Variants in OR51M1 observed in about 807,000 individuals in gnomAD.
OR51M1 encodes the protein olfactory receptor family 51 subfamily M member 1, also known as olfactory receptor 51M1.
For synonymous variants in OR51M1, 199 were observed against 155.1 expected, an observed-to-expected ratio of 1.28 and a Z score of -2.10; for missense variants, 509 against 404.4, an observed-to-expected ratio of 1.26 and a Z score of -2.22.
chr11:5,386,929 T>C (rs1849703433), intron 2 of OR51M1, among the ~76,000 whole-genome samples: 1 of 152,078 alleles, frequency 6.6e-6, no homozygotes, highest in Admixed American at 6.6e-5. Context: ...TGTGAAAAGA[T>C]GGATGCTGGG....
chr11:5,386,701 A>C (rs1335760466), intron 2 of OR51M1, among the ~76,000 whole-genome samples: 3 of 152,128 alleles, frequency 2.0e-5, no homozygotes, highest in African/African-American at 7.2e-5. Context: ...GTTGAATGAC[A>C]GGTCAGGCAA....
chr11:5,386,678 C>G (rs1384896244), intron 2 of OR51M1, among the ~76,000 whole-genome samples: 2 of 151,282 alleles, frequency 1.3e-5, no homozygotes, highest in African/African-American at 2.4e-5. Flanking sequence ...GAAGGAGGAG[C>G]CTGGCTTTGC....
At chr11:5,389,281 G>T (rs76916051) in intron 2 of OR51M1, 103 bp from the exon 3 acceptor site, 14 of 960,970 alleles carry the variant, frequency 1.5e-5, no homozygotes, top group Non-Finnish European at 2.2e-5. Flanking sequence ...TAAGGGTGGA[G>T]TAGATAATAC....
intron 2 of OR51M1, 24 bp from the exon 3 acceptor site, chr11:5,389,360 C>T (rs2133727646): frequency 6.9e-6 from 11 of 1,583,714 alleles, no homozygotes; most frequent in Non-Finnish European, 9.5e-6. Context: ...GAATTAATAA[C>T]CAGAAATATC....
intron 2 of OR51M1, among the ~76,000 whole-genome samples, chr11:5,388,824 G>A (rs558270176): frequency 2.6e-5 from 4 of 152,088 alleles, no homozygotes; most frequent in East Asian, 1.9e-4. Context: ...TGAAGGTGAC[G>A]GTGAGTAAAC....
rs545718875 is a variant in OR51M1, at chr11:5,389,404, A to C, written c.6A>C (p.Ser2=). The C allele has an allele frequency of 1.7e-5, 27 of 1,610,800 alleles. No homozygotes were observed. In the South Asian group the frequency reaches 2.9e-4, roughly 17 times the overall value. ...TTCAGCTCAATCCCCGAGGAATGTC[A>C]GTCCAATATTCGCTCAGTCCTCAAT... M[S]VQYSLSPQFM... Residue 2 remains serine (S), a synonymous_variant, in exon 3 of 3, where the codon TCA becomes TCC. Coordinates refer to ENST00000642046, the MANE Select transcript of OR51M1 (RefSeq NM_001004756.3).
chr11:5,387,700 G>A (rs1285929096), intron 2 of OR51M1, among the ~76,000 whole-genome samples: 3 of 144,324 alleles, frequency 2.1e-5, no homozygotes, highest in Non-Finnish European at 4.5e-5. Flanking sequence ...CTCTGCTTCA[G>A]GAACTTTCAC....
rs1321124666 is a variant in OR51M1 at position 5,390,169 on chromosome 11, C to CTG, written c.774_775dup (p.Ala259ValfsTer4). 2 of 1,613,918 alleles carry CTG rather than the reference C, an allele frequency of 1.2e-6. No homozygotes were observed. The highest frequency in any genetic ancestry group is 1.7e-6 in the Non-Finnish European group (2 of 1,179,814). On this transcript the variant is annotated frameshift_variant, in exon 3 of 3. Coordinates refer to ENST00000642046, the MANE Select transcript of OR51M1 (RefSeq NM_001004756.3). LOFTEE classifies it low-confidence loss of function (END_TRUNC). ...CCTTTCAGACATGCACCGCTCCTCT[C>CTG]TGTGCTGTGCTAGTATTCTTTGTGC...
chr11:5,390,433 T>C lies in OR51M1; in HGVS notation c.*54T>C. The C allele has an allele frequency of 6.9e-7, 1 of 1,444,044 alleles. No individual in the cohort carries two copies. 89.5% of individuals were successfully genotyped at this position (1,444,044 alleles called of 1,614,324 possible). On this transcript the variant is annotated 3_prime_UTR_variant, in exon 3 of 3. Coordinates refer to ENST00000642046, the MANE Select transcript of OR51M1 (RefSeq NM_001004756.3). ...CCTATAAGAAGGCCCCAAATTGGAC[T>C]GAAAATTTGGAGTATTGAGTATATA...
chr11:5,390,045 T>G lies in OR51M1; in HGVS notation c.647T>G (p.Val216Gly). The change falls in exon 3 of 3, where the codon GTT (valine) becomes GGT (glycine). Residue 216 changes from valine to glycine, a missense_variant. By Grantham distance (109) the Val-to-Gly change is moderately radical. Coordinates refer to ENST00000642046, the MANE Select transcript of OR51M1 (RefSeq NM_001004756.3). ...AATCTGTATGGACTGATGGTGGTAG[T>G]TTTCACTGTGATGCTGGACCTGGTG... is the stretch of plus-strand genomic sequence containing the variant. ...FNNLYGLMVV[V>G]FTVMLDLVLI... 6.2e-7 allele frequency: 1 copy of G among 1,613,634 alleles called. No homozygotes were observed. The highest frequency in any genetic ancestry group is 1.6e-4 in the Middle Eastern group (1 of 6,062).
chr11:5,387,313 C>T (rs1849710157), intron 2 of OR51M1, among the ~76,000 whole-genome samples: 1 of 152,026 alleles, frequency 6.6e-6, no homozygotes, highest in South Asian at 2.1e-4. Flanking sequence ...ATGATTAAGA[C>T]TCTCCATTGC....
In OR51M1 at chr11:5,389,681, G is replaced by C. The variant is rs749236572; in HGVS notation, c.283G>C (p.Gly95Arg). ...TGTGTCCACGTTGCCCACCACTATG[G>C]GGATCTTCTGGTTTAACTCCCATAG... ...LCVSTLPTTM[G>R]IFWFNSHSIY... Residue 95 changes from glycine (G) to arginine (R), a missense_variant, in exon 3 of 3, where the codon GGG becomes CGG. By Grantham distance (125) the Gly-to-Arg change is moderately radical (BLOSUM62 -2). Transcript: ENST00000642046. The C allele has an allele frequency of 1.3e-5, 21 of 1,613,438 alleles. No individual in the cohort carries two copies. Among genetic ancestry groups the C allele is most frequent in the Non-Finnish European group, 1.7e-5 (20 of 1,179,854 alleles).
chr11:5,387,429 T>C (rs1484657100), intron 2 of OR51M1, among the ~76,000 whole-genome samples: 1 of 152,108 alleles, frequency 6.6e-6, no homozygotes, highest in East Asian at 1.9e-4. Flanking sequence ...AACTGAGAAG[T>C]AAAGAAATGG....
chr11:5,389,567 A>G lies in OR51M1; in HGVS notation c.169A>G (p.Ile57Val). The change falls in exon 3 of 3, where the codon ATT becomes GTT. Residue 57 changes from isoleucine to valine, a missense_variant. By Grantham distance (29) the Ile-to-Val change is conservative. Coordinates refer to ENST00000642046, the MANE Select transcript of OR51M1 (RefSeq NM_001004756.3). ...YMVAISGNCF[I>V]LIIIKTNPRL... ...GGTTGCCATCTCAGGCAATTGTTTC[A>G]TTCTGATCATTATTAAGACCAACCC... is the stretch of plus-strand genomic sequence containing the variant. 6.2e-7 allele frequency: 1 copy of G among 1,613,866 alleles called. No individual in the cohort carries two copies. Among genetic ancestry groups the G allele is most frequent in the Non-Finnish European group, 8.5e-7 (1 of 1,179,860 alleles).
Position 5,390,158 on chromosome 11 carries a change from A to G in OR51M1, c.760A>G (p.Thr254Ala), listed in dbSNP as rs1176856766. Residue 254 changes from threonine (T) to alanine (A), a missense_variant, in exon 3 of 3, where the codon ACC becomes GCC. Coordinates refer to ENST00000642046, the MANE Select transcript of OR51M1 (RefSeq NM_001004756.3). ...EEQRRAFQTC[T>A]APLCAVLVFF... ...GCAGCGCCGTGCCTTTCAGACATGC[A>G]CCGCTCCTCTCTGTGCTGTGCTAGT... 2 of 1,613,818 alleles carry G rather than the reference A, an allele frequency of 1.2e-6. No homozygotes were observed. Among genetic ancestry groups the G allele is most frequent in the South Asian group, 2.2e-5 (2 of 91,072 alleles).
chr11:5,393,145 A>AT lies in OR51M1; in HGVS notation c.*2773dup, dbSNP rs1849822132. ...TAGGATGTAAGCTGTTTGTGGCAAAATTTTTTTCCTGTTTGCTCACAGTTC... is the reference window on the plus strand; with the variant it reads ...TAGGATGTAAGCTGTTTGTGGCAAAATTTTTTTTCCTGTTTGCTCACAGTTC... On this transcript the variant is annotated 3_prime_UTR_variant, in exon 3 of 3. Transcript: ENST00000642046. 6.6e-6 allele frequency: 1 copy of AT among 152,122 alleles called. No homozygotes were observed. Among genetic ancestry groups the AT allele is most frequent in the Non-Finnish European group, 1.5e-5 (1 of 67,996 alleles). The allele number at this position is 152,122 out of a possible 1,614,324, so 9.4% of individuals were successfully genotyped here.
chr11:5,387,023 C>T (rs920385625), intron 2 of OR51M1, among the ~76,000 whole-genome samples: 4 of 151,880 alleles, frequency 2.6e-5, no homozygotes, highest in East Asian at 1.9e-4. Flanking sequence ...TGATATGTAA[C>T]GGAGTTATCT....
chr11:5,385,406 G>A lies in OR51M1; in HGVS notation c.-68G>A, dbSNP rs1189620830. Reference sequence around the variant, plus strand: ...CTGTCCATCTCATCACTCTGAAGTTGGTGAACACAGAGCTGACAACAGAAC... The same window carrying A: ...CTGTCCATCTCATCACTCTGAAGTTAGTGAACACAGAGCTGACAACAGAAC... On this transcript the variant is annotated 5_prime_UTR_variant, in exon 2 of 3. Transcript: ENST00000642046. 1 of 152,090 alleles carries A rather than the reference G, an allele frequency of 6.6e-6. No homozygotes were observed. Among genetic ancestry groups the A allele is most frequent in the Non-Finnish European group, 1.5e-5 (1 of 68,030 alleles). The allele number at this position is 152,090 out of a possible 1,614,324, so 9.4% of individuals were successfully genotyped here.
In OR51M1 at chr11:5,386,759, G is replaced by A. The variant is rs563074278; in HGVS notation, c.-16+1301G>A. Among the ~76,000 whole-genome samples the A allele has an allele frequency of 3.3e-5, 5 of 152,006 alleles. No individual in the cohort carries two copies. In the South Asian group the frequency reaches 1.0e-3, roughly 32 times the overall value. On this transcript the variant is annotated intron_variant, in intron 2 of 2. Transcript: ENST00000642046. ...CAAGGACATTGGCTACAGAGATGAA[G>A]ATGAATAGATTACAGGGATAGATTA...
Sources: allele counts gnomAD v4.1 joint callset (sites outside exome capture counted in the v4.1 genomes callset), GRCh38; gene constraint gnomAD v4.1.1; transcripts MANE v1.5; gene names NCBI Gene and HGNC (gene_info 2026-07-23, HGNC 2026-07-21).